The following OPALIN variants were observed in gnomAD, a reference collection of about 807,000 sequenced individuals.
OPALIN encodes transmembrane protein 10.
OPALIN carries 15 observed loss-of-function variants against 17.8 expected under a neutral mutation model. The observed-to-expected ratio is 0.84, with a 90% CI of 0.56 to 1.29. OPALIN has a LOEUF of 1.29. OPALIN is among the 50% of genes most tolerant of loss of function. OPALIN has a pLI of 0.00. For synonymous variants in OPALIN, 62 were observed against 63.8 expected, an observed-to-expected ratio of 0.97 and a Z score of 0.14; for missense variants, 170 against 176.0, an observed-to-expected ratio of 0.97 and a Z score of 0.19.
At chr10:96,351,964 A>C (rs866704165) in intron 2 of OPALIN, among the ~76,000 whole-genome samples, 108 of 152,344 alleles carry the variant, frequency 7.1e-4, no homozygotes, top group African/African-American at 2.3e-3. Context: ...TATTTCAGGC[A>C]AGAGTTTACC....
chr10:96,356,220 C>T (rs538692788), intron 1 of OPALIN, among the ~76,000 whole-genome samples: 52 of 152,368 alleles, frequency 3.4e-4, no homozygotes, highest in East Asian at 1.9e-3. Context: ...CCTCGGTCTC[C>T]CTGACCCCCA....
intron 5 of OPALIN, 30 bp from the exon 6 acceptor site, chr10:96,346,147 C>A (rs765447809): frequency 1.2e-6 from 2 of 1,601,412 alleles, no homozygotes; most frequent in Non-Finnish European, 1.7e-6. Context: ...TTTTTAAAAA[C>A]TACAGCAGAG....
chr10:96,353,545 G>C (rs1845677520), intron 2 of OPALIN: 8 of 889,942 alleles, frequency 9.0e-6, no homozygotes, highest in Non-Finnish European at 1.5e-5. Context: ...GGGATCAAAG[G>C]GGTGAAGAGA....
At chr10:96,358,856 GA>G (rs1845912725) in intron 1 of OPALIN, 37 bp downstream of exon 1, 1 of 1,610,910 alleles carries the variant, frequency 6.2e-7, no homozygotes. Flanking sequence ...AGTAAGAAAT[GA>G]AAGTTCGATT....
At chr10:96,352,846 C>T (rs2901988) in intron 2 of OPALIN, among the ~76,000 whole-genome samples, 150,115 of 152,330 alleles carry the variant, frequency 0.99, 74,005 homozygotes, top group Middle Eastern at 1. Context: ...CAGAGCAGCA[C>T]GGCCTTCTGC....
intron 1 of OPALIN, chr10:96,357,069 A>G (rs773275974): frequency 1.1e-4 from 106 of 985,376 alleles, no homozygotes; most frequent in Non-Finnish European, 1.2e-4. Flanking sequence ...CTCTTAGGTC[A>G]GGGTCCTCTT....
intron 4 of OPALIN, 127 bp from the exon 5 acceptor site, chr10:96,348,472 C>A (rs1033131642): frequency 9.6e-6 from 5 of 518,746 alleles, no homozygotes; most frequent in Non-Finnish European, 1.0e-5. Flanking sequence ...ACAAACAAAA[C>A]AAGCACAGAG....
intron 1 of OPALIN, among the ~76,000 whole-genome samples, chr10:96,357,631 GCCCA>G (rs1222380056): frequency 6.6e-6 from 1 of 152,120 alleles, no homozygotes. Context: ...AACTTGCCTT[GCCCA>G]CTTCACAAGG....
At chr10:96,358,238 C>T (rs1845891354) in intron 1 of OPALIN, among the ~76,000 whole-genome samples, 1 of 112,064 alleles carries the variant, frequency 8.9e-6, no homozygotes, top group Admixed American at 1.0e-4. Flanking sequence ...AGTGAGATTA[C>T]ACAATATTCT....
intron 2 of OPALIN, chr10:96,353,341 C>T (rs1845662543): frequency 9.5e-6 from 15 of 1,579,198 alleles, no homozygotes; most frequent in Non-Finnish European, 1.3e-5. Flanking sequence ...TCCAGGTGCC[C>T]ACCTCTGTCC....
At chr10:96,356,315 C>T (rs1197945393) in intron 1 of OPALIN, among the ~76,000 whole-genome samples, 2 of 152,184 alleles carry the variant, frequency 1.3e-5, no homozygotes, top group Non-Finnish European at 2.9e-5. Context: ...AGAAACAATG[C>T]ATTCATTAAG....
At chr10:96,354,100 T>G (rs1845705329) in intron 2 of OPALIN, among the ~76,000 whole-genome samples, 1 of 152,118 alleles carries the variant, frequency 6.6e-6, no homozygotes, top group Non-Finnish European at 1.5e-5. Context: ...ACCAGACAAC[T>G]TATCAGAAAA....
In OPALIN at chr10:96,349,806, T is replaced by G; in HGVS notation, c.93A>C (p.Gly31=). 1.9e-6 allele frequency: 3 copies of G among 1,613,622 alleles called. No homozygotes were observed. Among genetic ancestry groups the G allele is most frequent in the Admixed American group, 3.3e-5 (2 of 59,982 alleles). ...CCAGCAATGGTATGCCCGCCGCTAA[T>G]CCAAGAGAGGGCCCACAGTCCTGGC... ...GKETDCGPSL[G]LAAGIPLLVA... The change falls in exon 4 of 6, where the codon GGA becomes GGC. Residue 31 remains glycine, a synonymous_variant. Transcript: ENST00000371172.
At chr10:96,355,767 A>T (rs1845792566) in intron 1 of OPALIN, among the ~76,000 whole-genome samples, 1 of 152,198 alleles carries the variant, frequency 6.6e-6, no homozygotes, top group Non-Finnish European at 1.5e-5. Flanking sequence ...TTACCCGGGG[A>T]AGGCAAGGCT....
At chr10:96,358,177 T>C (rs1421740400) in intron 1 of OPALIN, among the ~76,000 whole-genome samples, 5 of 116,548 alleles carry the variant, frequency 4.3e-5, no homozygotes, top group African/African-American at 9.5e-5. Context: ...CTTTTAACAA[T>C]GCTTTTTGTA....
intron 3 of OPALIN, among the ~76,000 whole-genome samples, chr10:96,350,190 A>G (rs1346750652): frequency 1.3e-5 from 2 of 152,214 alleles, no homozygotes; most frequent in African/African-American, 4.8e-5. Context: ...CTGTTTGGCT[A>G]AAAATAAAAG....
At chr10:96,351,605 G>A (rs1194760401) in intron 2 of OPALIN, among the ~76,000 whole-genome samples, 195 bp from the exon 3 acceptor site, 1 of 152,108 alleles carries the variant, frequency 6.6e-6, no homozygotes, top group African/African-American at 2.4e-5. Context: ...TGGCTACAAG[G>A]AGAAAAGAAT....
In OPALIN at chr10:96,343,308, T is replaced by C. The variant is rs570536887; in HGVS notation, c.*2633A>G. 5.9e-5 allele frequency: 9 copies of C among 152,266 alleles called. No individual in the cohort carries two copies. Among genetic ancestry groups the C allele is most frequent in the Non-Finnish European group, 8.8e-5 (6 of 68,048 alleles). The allele number at this position is 152,266 out of a possible 1,614,324, so 9.4% of individuals were successfully genotyped here. On this transcript the variant is annotated 3_prime_UTR_variant, in exon 6 of 6. Coordinates refer to ENST00000371172, the MANE Select transcript of OPALIN (RefSeq NM_033207.5). Reference sequence around the variant, plus strand: ...TAGCAGAAGTAAATGACAGAAATGCTGAACCTTTCTAGTTTAATAGAAACA... The same window carrying C: ...TAGCAGAAGTAAATGACAGAAATGCCGAACCTTTCTAGTTTAATAGAAACA...
chr10:96,357,674 C>T (rs1273425859), intron 1 of OPALIN, among the ~76,000 whole-genome samples: 1 of 152,174 alleles, frequency 6.6e-6, no homozygotes, highest in Non-Finnish European at 1.5e-5. Flanking sequence ...TGTGGCAGCT[C>T]CTTTCTCCCA....
Sources: gnomAD v4.1 joint callset for allele counts (sites outside exome capture counted in the v4.1 genomes callset) on GRCh38, gnomAD v4.1.1 for gene constraint, MANE v1.5 for transcripts, NCBI Gene and HGNC (gene_info 2026-07-23, HGNC 2026-07-21) for gene names.